MED24: variants seen among roughly 807,000 people sequenced by gnomAD.
MED24 encodes the protein mediator of RNA polymerase II transcription subunit 24.
In MED24, 74 loss-of-function variants were observed where a neutral mutation model predicts 118.8. That is an observed-to-expected ratio of 0.62 (90% confidence interval 0.52 to 0.76). The LOEUF (loss-of-function observed/expected upper bound fraction) is 0.76, where lower values mean the gene tolerates loss of function less well. Ranked by LOEUF, MED24 falls within the 30% of genes least tolerant of loss-of-function variation. MED24 has a pLI of 0.00. For missense variants in MED24, 1,041 were observed against 1,278.9 expected (o/e 0.81, Z 2.84); for synonymous variants, 521 against 523.9 (o/e 0.99, Z 0.08).
intron 3 of MED24, among the ~76,000 whole-genome samples, chr17:40,049,804 G>A (rs1016273410): frequency 4.0e-5 from 6 of 151,762 alleles, no homozygotes; most frequent in African/African-American, 7.3e-5. Context: ...GGATTAAGGC[G>A]TGAGCCACCA....
intron 3 of MED24, among the ~76,000 whole-genome samples, chr17:40,047,263 G>A (rs967089207): frequency 6.6e-6 from 1 of 152,242 alleles, no homozygotes; most frequent in East Asian, 1.9e-4. Context: ...AATTGTGGGA[G>A]AGGGGAGTGG....
At chr17:40,026,059 T>C in intron 19 of MED24, 97 bp downstream of exon 19, 1 of 1,287,394 alleles carries the variant, frequency 7.8e-7, no homozygotes, top group Non-Finnish European at 1.1e-6. Context: ...AGTAGCGTGT[T>C]TGCGAAGGTC....
At chr17:40,047,593 C>T (rs1045909944) in intron 3 of MED24, among the ~76,000 whole-genome samples, 23 of 149,586 alleles carry the variant, frequency 1.5e-4, no homozygotes, top group Non-Finnish European at 2.8e-4. Context: ...ACCTGGGAGG[C>T]GGAGGTTGCA....
intron 3 of MED24, among the ~76,000 whole-genome samples, chr17:40,041,662 G>A (rs1385194885): frequency 2.0e-5 from 3 of 152,112 alleles, no homozygotes; most frequent in Non-Finnish European, 2.9e-5. Context: ...ACTGTCTCAT[G>A]ATCCATCAGC....
chr17:40,027,507 G>C lies in MED24; in HGVS notation c.1448-42C>G, dbSNP rs112943715. ...AGGCTGAGCTCCCAGACGAGGGCAG[G>C]GGGGAGCCCGTGTCTGGGTTGACAG... is the stretch of plus-strand genomic sequence containing the variant. On this transcript the variant is annotated intron_variant, in intron 15 of 25. Transcript: ENST00000394128. 5,312 of 1,564,164 alleles carry C rather than the reference G, an allele frequency of 3.4e-3. 50 individuals carry two copies. The highest frequency in any genetic ancestry group is 0.032 in the African/African-American group (2,346 of 73,730).
chr17:40,030,452 C>A (rs562784848), intron 12 of MED24, among the ~76,000 whole-genome samples: 1 of 151,960 alleles, frequency 6.6e-6, no homozygotes, highest in Admixed American at 6.6e-5. Flanking sequence ...CATACCATCG[C>A]GCCTGATTAA....
At chr17:40,046,892 C>T (rs1362324517) in intron 3 of MED24, among the ~76,000 whole-genome samples, 1 of 151,980 alleles carries the variant, frequency 6.6e-6, no homozygotes, top group Non-Finnish European at 1.5e-5. Flanking sequence ...CCCGTCCCTA[C>T]AAAAATGTAA....
At chr17:40,021,824 A>C (rs1982048096) in intron 23 of MED24, 131 bp downstream of exon 23, 2 of 669,258 alleles carry the variant, frequency 3.0e-6, no homozygotes, top group South Asian at 3.9e-5. Context: ...GGGGGCTAGA[A>C]CAGCAGGTCC....
At chr17:40,034,525 T>A (rs762510936) in intron 6 of MED24, among the ~76,000 whole-genome samples, 6 of 152,216 alleles carry the variant, frequency 3.9e-5, no homozygotes, top group Non-Finnish European at 8.8e-5. Context: ...CTGGAAATAC[T>A]GGCATCTTCC....
intron 3 of MED24, among the ~76,000 whole-genome samples, chr17:40,051,029 G>A (rs1406355573): frequency 2.0e-5 from 3 of 151,814 alleles, no homozygotes; most frequent in Non-Finnish European, 4.4e-5. Flanking sequence ...CCAGCTACTT[G>A]GGAGGCTAAG....
intron 3 of MED24, among the ~76,000 whole-genome samples, chr17:40,039,876 C>G (rs1292154302): frequency 2.0e-5 from 3 of 150,462 alleles, no homozygotes; most frequent in Admixed American, 6.6e-5. Context: ...CTCTGCCTCC[C>G]GAGTTCACAC....
chr17:40,023,903 T>C (rs1287032362), intron 19 of MED24, among the ~76,000 whole-genome samples: 1 of 152,148 alleles, frequency 6.6e-6, no homozygotes, highest in Non-Finnish European at 1.5e-5. Flanking sequence ...AATTTTCTCA[T>C]GGAAAGAGGC....
chr17:40,035,374 ACT>A (rs1983816497), intron 5 of MED24, 25 bp from the exon 6 acceptor site: 1 of 1,550,812 alleles, frequency 6.4e-7, no homozygotes, highest in East Asian at 2.3e-5. Context: ...GCAAAATCAG[ACT>A]CTGTTCTTCC....
chr17:40,037,634 A>T (rs28702999), intron 3 of MED24, among the ~76,000 whole-genome samples: 6 of 152,010 alleles, frequency 3.9e-5, no homozygotes, highest in African/African-American at 1.5e-4. Context: ...AAATTTGGCC[A>T]GGTGTGGTGG....
chr17:40,039,019 G>A lies in MED24; in HGVS notation c.214-2865C>T, dbSNP rs117610152. On this transcript the variant is annotated intron_variant, in intron 3 of 25. Coordinates refer to ENST00000394128, the MANE Select transcript of MED24 (RefSeq NM_014815.4). The stretch of plus-strand genomic sequence containing the variant: ...TATTTATAACTGATGTCCCCATAGC[G>A]AGTGCTTGGCAAAGAAGTGAACCTT... Among the ~76,000 whole-genome samples the A allele has an allele frequency of 1.3e-3, 194 of 152,268 alleles. 5 individuals carry two copies. The East Asian group carries it at 0.033, about 26-fold the overall frequency.
At chr17:40,027,080 C>T (rs768642769) in intron 16 of MED24, 46 bp from the exon 17 acceptor site, 2 of 1,597,386 alleles carry the variant, frequency 1.3e-6, no homozygotes, top group Non-Finnish European at 1.7e-6. Flanking sequence ...GAGGGCGCGG[C>T]GCCTGCCAGC....
rs751361329 is a variant in MED24 at position 40,026,273 on chromosome 17, C to G, written c.1868G>C (p.Trp623Ser). The G allele has an allele frequency of 6.2e-7, 1 of 1,614,212 alleles. No individual in the cohort carries two copies. Among genetic ancestry groups the G allele is most frequent in the South Asian group, 1.1e-5 (1 of 91,084 alleles). ...VCSLAVCAVAWLVAHVRMLGL... is the reference protein window; with the variant it reads ...VCSLAVCAVASLVAHVRMLGL... ...CAGCATCCGGACGTGGGCCACAAGCCAAGCCACAGCACACACCGCCAGACT... is the reference window on the plus strand; with the variant it reads ...CAGCATCCGGACGTGGGCCACAAGCGAAGCCACAGCACACACCGCCAGACT... The change falls in exon 19 of 26, where the codon TGG becomes TCG. Residue 623 changes from tryptophan (W) to serine (S), a missense_variant. Transcript: ENST00000394128.
At chr17:40,022,099 G>C (rs767010556) in intron 22 of MED24, 45 bp from the exon 23 acceptor site, 7 of 1,413,554 alleles carry the variant, frequency 5.0e-6, no homozygotes, top group Non-Finnish European at 6.8e-6. Context: ...AAACCCCCCA[G>C]TTTCCAGCTG....
chr17:40,050,032 C>A (rs1442720115), intron 3 of MED24, among the ~76,000 whole-genome samples: 2 of 150,286 alleles, frequency 1.3e-5, no homozygotes, highest in African/African-American at 4.9e-5. Context: ...CGCCTGTAAT[C>A]CCAGCTACTC....
Sources: allele counts gnomAD v4.1 joint callset (sites outside exome capture counted in the v4.1 genomes callset), GRCh38; gene constraint gnomAD v4.1.1; transcripts MANE v1.5; gene names NCBI Gene and HGNC (gene_info 2026-07-23, HGNC 2026-07-21).